KAZN: variants seen among roughly 807,000 people sequenced by gnomAD.
The protein encoded by KAZN is kazrin, periplakin interacting protein, also known as kazrin.
KAZN carries 40 observed loss-of-function variants against 87.4 expected under a neutral mutation model. That is an observed-to-expected ratio of 0.46 (90% confidence interval 0.36 to 0.60). KAZN has a LOEUF of 0.60. Among genes scored for constraint, KAZN ranks in the 20% least tolerant of loss-of-function variants. The pLI is 0.00. For missense variants in KAZN, 898 were observed against 1,073.9 expected (o/e 0.84, Z 2.29); for synonymous variants, 466 against 458.3 (o/e 1.02, Z -0.22).
intron 1 of KAZN, among the ~76,000 whole-genome samples, chr1:13,919,805 T>C (rs767448158): frequency 9.9e-5 from 15 of 152,230 alleles, no homozygotes; most frequent in African/African-American, 1.4e-4. Context: ...ACTTCCAATT[T>C]TGATGTAGTC....
chr1:14,599,168 G>C lies in KAZN; in HGVS notation c.171G>C (p.Ser57=). 2.2e-6 allele frequency: 3 copies of C among 1,376,464 alleles called. No homozygotes were observed. The highest frequency in any genetic ancestry group is 2.8e-6 in the Non-Finnish European group (3 of 1,067,906). 85.3% of individuals were successfully genotyped at this position (1,376,464 alleles called of 1,614,324 possible). A position where few individuals can be genotyped will look rare whatever the true frequency, so the allele number is the denominator to read the frequency against. The part of the protein sequence containing the change: ...GPGPGAAASA[S]AAGDSAATNM... ...GCCCGGGAGCCGCGGCCAGCGCCTC[G>C]GCGGCGGGGGACTCGGCGGCGACGA... The change falls in exon 1 of 15, where the codon TCG becomes TCC. Residue 57 remains serine, a synonymous_variant. Coordinates refer to ENST00000376030, the MANE Select transcript of KAZN (RefSeq NM_201628.3). This position sits in a 1 kb window ranked among gnomAD's most constrained non-coding sequence, Gnocchi z 4.4.
At chr1:15,031,183 G>A (rs1452452900) in intron 2 of KAZN, among the ~76,000 whole-genome samples, 3 of 152,252 alleles carry the variant, frequency 2.0e-5, no homozygotes, top group Non-Finnish European at 4.4e-5. Flanking sequence ...TGTGGAGGCA[G>A]CAGAACATAG....
chr1:14,160,097 T>C (rs991919190), intron 1 of KAZN, among the ~76,000 whole-genome samples: 1 of 152,226 alleles, frequency 6.6e-6, no homozygotes, highest in Non-Finnish European at 1.5e-5. Context: ...TCATGTGACC[T>C]TCTGTCCACT....
intron 1 of KAZN, among the ~76,000 whole-genome samples, chr1:14,700,011 T>C (rs1024657771): frequency 3.9e-5 from 6 of 151,998 alleles, no homozygotes; most frequent in Admixed American, 6.6e-5. Flanking sequence ...ATAAGTATGG[T>C]GCGTTCAAGG....
chr1:14,405,992 C>G (rs953951709), intron 2 of KAZN, among the ~76,000 whole-genome samples: 3 of 152,056 alleles, frequency 2.0e-5, no homozygotes, highest in East Asian at 1.9e-4. Context: ...AATCGGTGCA[C>G]AAAATGAGAA....
At chr1:14,285,569 G>A (rs900202507) in intron 2 of KAZN, among the ~76,000 whole-genome samples, 13 of 152,148 alleles carry the variant, frequency 8.5e-5, no homozygotes, top group African/African-American at 3.1e-4. Flanking sequence ...TGTGGAATTC[G>A]AAGGCTGTCT....
At chr1:14,924,169 G>A in intron 1 of KAZN, 1 of 982,200 alleles carries the variant, frequency 1.0e-6, no homozygotes, top group Non-Finnish European at 1.2e-6. Context: ...CGAATTCCTC[G>A]CGTGCAGCAG....
chr1:14,483,365 C>G (rs150983679), intron 2 of KAZN, among the ~76,000 whole-genome samples: 1 of 152,070 alleles, frequency 6.6e-6, no homozygotes, highest in African/African-American at 2.4e-5. Context: ...GGCCCATTAC[C>G]GAAAGTGAGG....
intron 2 of KAZN, among the ~76,000 whole-genome samples, chr1:14,205,906 AGC>A (rs1646733197): frequency 4.0e-5 from 2 of 50,516 alleles, no homozygotes; most frequent in African/African-American, 9.2e-5. Context: ...AAAAAAAAAA[AGC>A]TACCTAATGT....
At chr1:15,087,431 C>T (rs1340148840) in intron 8 of KAZN, among the ~76,000 whole-genome samples, 1 of 142,180 alleles carries the variant, frequency 7.0e-6, no homozygotes, top group Non-Finnish European at 1.5e-5. Context: ...CTTACTCTTT[C>T]GCCCAGGCAG....
chr1:14,464,375 G>T (rs998214417), intron 2 of KAZN, among the ~76,000 whole-genome samples: 1 of 152,098 alleles, frequency 6.6e-6, no homozygotes, highest in Non-Finnish European at 1.5e-5. Context: ...CTCAGATTGC[G>T]TTTCCTTAGA....
chr1:14,587,741 T>C (rs959135152), intron 2 of KAZN, among the ~76,000 whole-genome samples: 1 of 152,120 alleles, frequency 6.6e-6, no homozygotes, highest in Non-Finnish European at 1.5e-5. Flanking sequence ...TCGGCCGCCA[T>C]GATCCAATCA....
rs74906942 is a variant in KAZN at position 14,525,449 on chromosome 1, A to G, written c.250-73534A>G. ...GAGTAAAAGCAGACTTAGACAACAC[A>G]TAAACAAATGAGCATGCTTGTGTTC... On this transcript the variant is annotated intron_variant, in intron 2 of 16. Transcript: ENST00000636203. Among the ~76,000 whole-genome samples the G allele has an allele frequency of 2.9e-3, 444 of 152,400 alleles. 7 individuals are homozygous for G. In the East Asian group the frequency reaches 0.057, roughly 20 times the overall value.
intron 1 of KAZN, among the ~76,000 whole-genome samples, chr1:14,026,153 G>T (rs911279049): frequency 5.9e-5 from 9 of 152,122 alleles, no homozygotes; most frequent in African/African-American, 2.2e-4. Flanking sequence ...TCTTCTCTGT[G>T]TTCCAGAGAA....
At position 14,556,415 on chromosome 1, in the gene KAZN, G is replaced by A. The variant is rs185768035; in HGVS notation, c.250-42568G>A. On this transcript the variant is annotated intron_variant, in intron 2 of 16. Coordinates refer to the KAZN transcript ENST00000636203. ...TGAGCCCCCGTGCCCGGCGGGGGAA[G>A]AGCAGTTCTTAAGCACAGCACCCCA... Among the ~76,000 whole-genome samples, 49 of 152,186 alleles carry A rather than the reference G, an allele frequency of 3.2e-4. 1 individual carries two copies. The highest frequency in any genetic ancestry group is 1.1e-3 in the African/African-American group (47 of 41,544).
chr1:14,660,606 G>T (rs1639105398), intron 1 of KAZN, among the ~76,000 whole-genome samples: 1 of 144,524 alleles, frequency 6.9e-6, no homozygotes, highest in South Asian at 2.2e-4. Context: ...ACCAGAGCTG[G>T]GATTCAAACC....
intron 2 of KAZN, among the ~76,000 whole-genome samples, chr1:14,480,792 A>T (rs1669039560): frequency 6.8e-6 from 1 of 146,284 alleles, no homozygotes; most frequent in Non-Finnish European, 1.5e-5. Flanking sequence ...ATATATATAA[A>T]ATGTAATTTA....
At position 13,981,089 on chromosome 1, in the gene KAZN, T is replaced by TTATATATATATATATATATATATA. The variant is rs1205017791; in HGVS notation, c.91+87354_91+87355insATATATATATATATATATATATAT. Among the ~76,000 whole-genome samples, 63 of 63,116 alleles carry TTATATATATATATATATATATATA rather than the reference T, an allele frequency of 1.0e-3. 4 individuals are homozygous for TTATATATATATATATATATATATA. Among genetic ancestry groups the TTATATATATATATATATATATATA allele is most frequent in the African/African-American group, 3.3e-3 (57 of 17,216 alleles). The allele number at this position is 63,116 out of a possible 152,430, so 41.4% of individuals were successfully genotyped here. ...TTGGAGAGGTATAAAAAATTACTCT[T>TTATATATATATATATATATATATA]TATATATATATATATATATATGTAT... On this transcript the variant is annotated intron_variant, in intron 1 of 16. Transcript: ENST00000636203.
At chr1:14,035,181 C>T (rs1362534930) in intron 1 of KAZN, among the ~76,000 whole-genome samples, 1 of 152,166 alleles carries the variant, frequency 6.6e-6, no homozygotes, top group Non-Finnish European at 1.5e-5. Context: ...GGCAGATAGG[C>T]AGATTAATCC....
Sources: allele counts gnomAD v4.1 joint callset (sites outside exome capture counted in the v4.1 genomes callset), GRCh38; gene constraint gnomAD v4.1.1; non-coding constraint Gnocchi (gnomAD v3.1); transcripts MANE v1.5; gene names NCBI Gene and HGNC (gene_info 2026-07-23, HGNC 2026-07-21).